VPS41: variants seen among roughly 807,000 people sequenced by gnomAD.
VPS41 encodes the protein vacuolar protein sorting-associated protein 41 homolog.
Under a neutral mutation model 130.9 loss-of-function variants are expected in VPS41, and 85 were observed. That is an observed-to-expected ratio of 0.65 (90% CI 0.55 to 0.78). The LOEUF is 0.78. Among genes scored for constraint, VPS41 ranks in the 30% least tolerant of loss-of-function variants. The pLI is 0.00. For synonymous variants in VPS41, 335 were observed against 332.9 expected (o/e 1.01, Z -0.07); for missense variants, 874 against 1,018.7 (o/e 0.86, Z 1.93).
intron 10 of VPS41, among the ~76,000 whole-genome samples, chr7:38,789,288 C>T (rs1027469572): frequency 5.3e-5 from 8 of 152,118 alleles, no homozygotes; most frequent in Non-Finnish European, 5.9e-5. Flanking sequence ...CACTGGAACC[C>T]GTGACAAGTG....
chr7:38,733,924 A>G (rs151301576), intron 25 of VPS41, among the ~76,000 whole-genome samples: 3 of 152,258 alleles, frequency 2.0e-5, no homozygotes, highest in East Asian at 3.9e-4. Flanking sequence ...ACAAAGAATT[A>G]AAATAAAAAA....
chr7:38,732,580 ACAT>A (rs1795686653), intron 25 of VPS41, among the ~76,000 whole-genome samples: 1 of 152,178 alleles, frequency 6.6e-6, no homozygotes, highest in Admixed American at 6.5e-5. Context: ...AGAACTAATA[ACAT>A]TTATGATATG....
intron 2 of VPS41, among the ~76,000 whole-genome samples, chr7:38,895,196 C>G (rs984956787): frequency 4.6e-5 from 7 of 152,086 alleles, no homozygotes; most frequent in African/African-American, 1.4e-4. Context: ...TTGGTGCACA[C>G]CTGTAATCAC....
chr7:38,726,994 G>C lies in VPS41; in HGVS notation c.2405-6C>G. On this transcript the variant is annotated splice_polypyrimidine_tract_variant and splice_region_variant and intron_variant, in intron 27 of 28. Transcript: ENST00000310301. ...GCTGAAGGGCTTAGCTGCATCTGGC[G>C]AGGAGGGCAGAGAAAGGAGGAGAAC... 6.5e-7 allele frequency: 1 copy of C among 1,539,162 alleles called. No individual in the cohort carries two copies. Among genetic ancestry groups the C allele is most frequent in the Admixed American group, 2.0e-5 (1 of 49,466 alleles).
chr7:38,840,946 T>C (rs1006846539), intron 4 of VPS41, among the ~76,000 whole-genome samples: 24 of 152,150 alleles, frequency 1.6e-4, no homozygotes, highest in African/African-American at 5.8e-4. Context: ...AGTACACAAG[T>C]TTCTCAGGTG....
intron 5 of VPS41, among the ~76,000 whole-genome samples, chr7:38,827,026 G>A (rs1171811777): frequency 2.6e-5 from 4 of 152,088 alleles, no homozygotes; most frequent in Non-Finnish European, 4.4e-5. Flanking sequence ...CACCGTGTTA[G>A]TCAGGATGGT....
At chr7:38,744,487 C>G (rs576531798) in intron 23 of VPS41, among the ~76,000 whole-genome samples, 6 of 152,242 alleles carry the variant, frequency 3.9e-5, no homozygotes, top group African/African-American at 9.6e-5. Flanking sequence ...CAGTTTATGT[C>G]TCTAAAAATG....
At chr7:38,796,936 T>C in intron 7 of VPS41, 72 bp from the exon 8 acceptor site, 2 of 1,578,132 alleles carry the variant, frequency 1.3e-6, no homozygotes, top group Non-Finnish European at 8.7e-7. Flanking sequence ...ACTTACTAGT[T>C]TTACCTATCC....
intron 4 of VPS41, among the ~76,000 whole-genome samples, chr7:38,842,068 G>A (rs1179640182): frequency 6.6e-6 from 1 of 152,138 alleles, no homozygotes; most frequent in Non-Finnish European, 1.5e-5. Flanking sequence ...TCCAGAACCA[G>A]TGCCTTCTTC....
chr7:38,886,331 C>T (rs989477787), intron 2 of VPS41, among the ~76,000 whole-genome samples: 1 of 152,236 alleles, frequency 6.6e-6, no homozygotes, highest in African/African-American at 2.4e-5. Context: ...TTGCAACCAG[C>T]AGACCAGGAG....
chr7:38,732,443 C>T (rs1173768289), intron 25 of VPS41, among the ~76,000 whole-genome samples: 1 of 152,096 alleles, frequency 6.6e-6, no homozygotes, highest in Non-Finnish European at 1.5e-5. Context: ...AATATCTTCC[C>T]TCTTGAATAA....
At chr7:38,854,357 T>G (rs1785933812) in intron 4 of VPS41, among the ~76,000 whole-genome samples, 1 of 152,218 alleles carries the variant, frequency 6.6e-6, no homozygotes, top group South Asian at 2.1e-4. Flanking sequence ...TGAGTACCAT[T>G]AGACCAAGAG....
chr7:38,743,603 G>A (rs1327101053), intron 23 of VPS41, 61 bp from the exon 24 acceptor site: 2 of 1,566,200 alleles, frequency 1.3e-6, no homozygotes, highest in African/African-American at 2.8e-5. Context: ...TTTTTTTAAA[G>A]AAATTGCATA....
At chr7:38,866,863 A>C (rs1456005913) in intron 3 of VPS41, among the ~76,000 whole-genome samples, 2 of 152,218 alleles carry the variant, frequency 1.3e-5, no homozygotes, top group African/African-American at 2.4e-5. Flanking sequence ...TGTCACGATA[A>C]AGAAGTTTTG....
chr7:38,831,068 A>G (rs1436335881), intron 4 of VPS41: 1 of 379,366 alleles, frequency 2.6e-6, no homozygotes, highest in African/African-American at 2.1e-5. Context: ...TGAGAAGTCT[A>G]AATGTTCAAC....
At chr7:38,739,461 A>G (rs1189867019) in intron 25 of VPS41, among the ~76,000 whole-genome samples, 2 of 152,246 alleles carry the variant, frequency 1.3e-5, no homozygotes, top group Admixed American at 6.5e-5. Context: ...TGCTCTCTGG[A>G]TAGATTTATT....
At chr7:38,751,149 T>C (rs984055121) in intron 22 of VPS41, among the ~76,000 whole-genome samples, 4 of 152,224 alleles carry the variant, frequency 2.6e-5, no homozygotes, top group Admixed American at 2.6e-4. Flanking sequence ...AAAAATCCAT[T>C]GAGCTAAATT....
chr7:38,727,109 T>C, intron 27 of VPS41, 121 bp from the exon 28 acceptor site: 3 of 870,656 alleles, frequency 3.4e-6, no homozygotes, highest in Non-Finnish European at 4.8e-6. Context: ...CTTTAGAGAA[T>C]GGCTTATTTA....
intron 8 of VPS41, 87 bp from the exon 9 acceptor site, chr7:38,795,698 T>C: frequency 1.7e-6 from 2 of 1,193,410 alleles, no homozygotes; most frequent in South Asian, 1.6e-5. Context: ...ATACTACCAA[T>C]AACCAGCACG....
Sources: gnomAD v4.1 joint callset for allele counts (sites outside exome capture counted in the v4.1 genomes callset) on GRCh38, gnomAD v4.1.1 for gene constraint, MANE v1.5 for transcripts, NCBI Gene and HGNC (gene_info 2026-07-23, HGNC 2026-07-21) for gene names.